PPM1B: variants seen among roughly 807,000 people sequenced by gnomAD.
PPM1B encodes protein phosphatase, Mg2+/Mn2+ dependent 1B, also known as protein phosphatase 1B.
In PPM1B, 22 loss-of-function variants were observed where a neutral mutation model predicts 43.0. The ratio of observed to expected loss-of-function variants is 0.51; its 90% confidence interval spans 0.37 to 0.73. The LOEUF is 0.73. Ranked by LOEUF, PPM1B falls within the 30% of genes least tolerant of loss-of-function variation. The pLI is 0.00. For synonymous variants in PPM1B, 217 were observed against 197.9 expected (o/e 1.10, Z -0.81); for missense variants, 632 against 584.2 (o/e 1.08, Z -0.84).
intron 5 of PPM1B, among the ~76,000 whole-genome samples, chr2:44,225,692 T>A (rs1321239370): frequency 6.6e-6 from 1 of 152,214 alleles, no homozygotes; most frequent in African/African-American, 2.4e-5. Flanking sequence ...AGTCTCACCC[T>A]GTCACCGAGG....
At chr2:44,216,544 A>C (rs1393906486) in intron 3 of PPM1B, among the ~76,000 whole-genome samples, 2 of 152,204 alleles carry the variant, frequency 1.3e-5, no homozygotes, top group African/African-American at 4.8e-5. Context: ...TGTCATGCAT[A>C]TGGGAGTGTA....
At chr2:44,210,092 T>A (rs1669387702) in intron 3 of PPM1B, among the ~76,000 whole-genome samples, 3 of 152,202 alleles carry the variant, frequency 2.0e-5, no homozygotes, top group African/African-American at 7.2e-5. Flanking sequence ...ATACTAATTC[T>A]CCCTTTTCGG....
At chr2:44,194,277 C>T (rs769880690) in intron 1 of PPM1B, among the ~76,000 whole-genome samples, 6 of 152,146 alleles carry the variant, frequency 3.9e-5, no homozygotes, top group South Asian at 4.1e-4. Context: ...TGATAGGCCT[C>T]GCTGTGGGAT....
At chr2:44,236,510 A>C (rs1365154162), downstream of PPM1B, among the ~76,000 whole-genome samples, 1 of 151,672 alleles carries the variant, frequency 6.6e-6, no homozygotes, top group Non-Finnish European at 1.5e-5. Context: ...AGGCTTTAAA[A>C]TGGTTTTTAA....
At chr2:44,190,741 C>G (rs1368059976) in intron 1 of PPM1B, among the ~76,000 whole-genome samples, 1 of 152,080 alleles carries the variant, frequency 6.6e-6, no homozygotes, top group Non-Finnish European at 1.5e-5. Flanking sequence ...GTTTACATTG[C>G]ATTTTCACAC....
chr2:44,228,491 A>G (rs867769727), intron 5 of PPM1B, among the ~76,000 whole-genome samples: 1 of 152,178 alleles, frequency 6.6e-6, no homozygotes, highest in African/African-American at 2.4e-5. Flanking sequence ...AACTTTTTAA[A>G]AAATAACATT....
chr2:44,202,634 T>C (rs1327353255), intron 2 of PPM1B, among the ~76,000 whole-genome samples: 2 of 152,248 alleles, frequency 1.3e-5, no homozygotes, highest in Non-Finnish European at 2.9e-5. Context: ...ATAGTATCTT[T>C]TGTAGAAGAT....
At chr2:44,205,049 C>T (rs1190042415) in intron 2 of PPM1B, among the ~76,000 whole-genome samples, 1 of 152,092 alleles carries the variant, frequency 6.6e-6, no homozygotes, top group African/African-American at 2.4e-5. Flanking sequence ...ATGGTGTTTA[C>T]TGCCAACTAA....
At chr2:44,217,395 G>A (rs1233112365) in intron 3 of PPM1B, among the ~76,000 whole-genome samples, 18 of 143,296 alleles carry the variant, frequency 1.3e-4, no homozygotes, top group Non-Finnish European at 2.1e-4. Flanking sequence ...GTGAAACTCC[G>A]TCTCAAAAAA....
chr2:44,232,707 A>G, downstream of PPM1B: 1 of 1,028,962 alleles, frequency 9.7e-7, no homozygotes, highest in Admixed American at 5.7e-5. Flanking sequence ...TTTTTTCTTT[A>G]AACAAAACAC....
intron 3 of PPM1B, among the ~76,000 whole-genome samples, chr2:44,212,961 C>G (rs1212975751): frequency 7.0e-6 from 1 of 143,368 alleles, no homozygotes; most frequent in East Asian, 2.0e-4. Context: ...TGCAGTGAGC[C>G]AAGATCCTGC....
Position 44,230,395 on chromosome 2 carries a change from C to T in PPM1B, c.1135-18C>T. 1.2e-6 allele frequency: 2 copies of T among 1,611,576 alleles called. No homozygotes were observed. The highest frequency in any genetic ancestry group is 1.7e-6 in the Non-Finnish European group (2 of 1,178,842). On this transcript the variant is annotated intron_variant, in intron 5 of 5. Transcript: ENST00000282412. ...CTAGTTTGTCTACTGACACTGGGGT[C>T]TTGAATCTTAAAAAAAGGCCTCCGA...
At position 44,201,566 on chromosome 2, in the gene PPM1B, C is replaced by A; in HGVS notation, c.367C>A (p.Leu123Ile). 4 of 1,614,106 alleles carry A rather than the reference C, an allele frequency of 2.5e-6. No homozygotes were observed. The highest frequency in any genetic ancestry group is 2.5e-6 in the Non-Finnish European group (3 of 1,180,032). The change falls in exon 2 of 6, where the codon CTC becomes ATC. Residue 123 changes from leucine (L) to isoleucine (I), a missense_variant. Around this residue, in one of 3 missense-constraint regions of PPM1B, gnomAD observed 200 missense variants for 200.7 expected, o/e 1.00. Coordinates refer to ENST00000282412, the MANE Select transcript of PPM1B (RefSeq NM_002706.6). This position sits in a 1 kb window ranked among gnomAD's most constrained non-coding sequence, Gnocchi z 5.4. ...TGAATACATGCGTAACTTTTCAGAC[C>A]TCAGAAACGGGATGGACAGGAGTGG... is the stretch of plus-strand genomic sequence containing the variant. ...IDEYMRNFSD[L>I]RNGMDRSGST... is the part of the protein sequence containing the mutation.
At chr2:44,231,659 T>A (rs1036222412), downstream of PPM1B, among the ~76,000 whole-genome samples, 9 of 152,154 alleles carry the variant, frequency 5.9e-5, no homozygotes, top group Non-Finnish European at 8.8e-5. Context: ...AAATCTATTC[T>A]TTTTCTTATC....
intron 1 of PPM1B, among the ~76,000 whole-genome samples, chr2:44,195,397 A>C (rs1668613957): frequency 6.6e-6 from 1 of 151,634 alleles, no homozygotes; most frequent in African/African-American, 2.4e-5. Context: ...TTTTTGGTAG[A>C]GATAGGGTCT....
At chr2:44,190,710 C>T (rs891550833) in intron 1 of PPM1B, among the ~76,000 whole-genome samples, 1 of 152,164 alleles carries the variant, frequency 6.6e-6, no homozygotes, top group African/African-American at 2.4e-5. Context: ...TTTGGCTAAA[C>T]AGTTTCTGTT....
rs1300978406 is a variant in PPM1B at position 44,201,743 on chromosome 2, A to C, written c.544A>C (p.Asn182His). ...TCCAAGGGAAAAGGAGCGAATCCAAAATGCAGGAGGCAGCGTGATGATACA... is the reference window on the plus strand; with the variant it reads ...TCCAAGGGAAAAGGAGCGAATCCAACATGCAGGAGGCAGCGTGATGATACA... Reference protein sequence around the residue: ...CNPREKERIQNAGGSVMIQRV... With the variant: ...CNPREKERIQHAGGSVMIQRV... Residue 182 changes from asparagine (N) to histidine (H), a missense_variant, in exon 2 of 6, where the codon AAT (asparagine) becomes CAT (histidine). Physicochemically the swap from Asn to His is moderately conservative, Grantham distance 68. Transcript: ENST00000282412. The surrounding 1 kb of genome is among the most constrained non-coding windows in gnomAD (Gnocchi z 5.4). 6.2e-7 allele frequency: 1 copy of C among 1,614,242 alleles called. No homozygotes were observed. Among genetic ancestry groups the C allele is most frequent in the East Asian group, 2.2e-5 (1 of 44,888 alleles).
chr2:44,186,757 C>G (rs1046387425), intron 1 of PPM1B, among the ~76,000 whole-genome samples: 1 of 152,194 alleles, frequency 6.6e-6, no homozygotes, highest in Non-Finnish European at 1.5e-5. Context: ...TATGGAATGT[C>G]AAAGGAATTT....
Position 44,198,074 on chromosome 2 carries a change from A to G in PPM1B, c.-14-3112A>G, listed in dbSNP as rs539166968. ...TCTTAAGCCACGCTTGCCAATGTCC[A>G]TGTGCCCCCTCTAAAAAAGTGTGCC... On this transcript the variant is annotated intron_variant, in intron 1 of 5. Coordinates refer to ENST00000282412, the MANE Select transcript of PPM1B (RefSeq NM_002706.6). Among the ~76,000 whole-genome samples the G allele has an allele frequency of 5.3e-5, 8 of 152,298 alleles. No homozygotes were observed. In the South Asian group the frequency reaches 1.7e-3, roughly 32 times the overall value.
Sources: allele counts gnomAD v4.1 joint callset (sites outside exome capture counted in the v4.1 genomes callset), GRCh38; gene constraint gnomAD v4.1.1; regional missense constraint gnomAD v4.1.1; non-coding constraint Gnocchi (gnomAD v3.1); transcripts MANE v1.5; gene names NCBI Gene and HGNC (gene_info 2026-07-23, HGNC 2026-07-21).